Variants in PPP6R3 observed in about 807,000 individuals in gnomAD.
PPP6R3 encodes serine/threonine-protein phosphatase 6 regulatory subunit 3.
Under a neutral mutation model 110.7 loss-of-function variants are expected in PPP6R3, and 38 were observed. The ratio of observed to expected loss-of-function variants is 0.34; its 90% CI spans 0.26 to 0.45. The LOEUF (loss-of-function observed/expected upper bound fraction) is 0.45. Among genes scored for constraint, PPP6R3 ranks in the 20% least tolerant of loss-of-function variants. The pLI, the probability that PPP6R3 is intolerant of heterozygous loss-of-function variation, is 1.00. For synonymous variants in PPP6R3, 369 were observed against 373.5 expected, an observed-to-expected ratio of 0.99 and a Z score of 0.14; for missense variants, 870 against 1,062.4, an observed-to-expected ratio of 0.82 and a Z score of 2.52.
chr11:68,588,544 A>T (rs1343716575), intron 16 of PPP6R3, among the ~76,000 whole-genome samples: 1 of 151,580 alleles, frequency 6.6e-6, no homozygotes, highest in Non-Finnish European at 1.5e-5. Flanking sequence ...TGCAAGCTCC[A>T]CCTCCTGGGT....
At chr11:68,564,212 T>C in intron 8 of PPP6R3, 91 bp from the exon 9 acceptor site, 2 of 1,303,742 alleles carry the variant, frequency 1.5e-6, no homozygotes, top group Non-Finnish European at 1.0e-6. Context: ...GAAAAGTTGA[T>C]ATAATCATTA....
At chr11:68,586,905 A>G (rs1411125486) in intron 15 of PPP6R3, 1 of 151,986 alleles carries the variant, frequency 6.6e-6, no homozygotes, top group African/African-American at 2.4e-5. Context: ...CTTCCCAGCA[A>G]ATGCCAGTGG....
At chr11:68,578,446 A>G (rs1176490285) in intron 14 of PPP6R3, among the ~76,000 whole-genome samples, 1 of 152,144 alleles carries the variant, frequency 6.6e-6, no homozygotes, top group Non-Finnish European at 1.5e-5. Context: ...TCCCAAATAG[A>G]TAAGATTAGA....
At chr11:68,517,229 T>C in intron 1 of PPP6R3, among the ~76,000 whole-genome samples, 1 of 152,192 alleles carries the variant, frequency 6.6e-6, no homozygotes, top group East Asian at 1.9e-4. Flanking sequence ...ACTTGCATTT[T>C]TCTGTTTGTT....
At chr11:68,517,626 T>A (rs1184115401) in intron 1 of PPP6R3, among the ~76,000 whole-genome samples, 1 of 152,128 alleles carries the variant, frequency 6.6e-6, no homozygotes, top group Non-Finnish European at 1.5e-5. Context: ...TGGGACAATT[T>A]GAACATCAGA....
At chr11:68,607,082 A>G (rs1940527811) in intron 22 of PPP6R3, among the ~76,000 whole-genome samples, 1 of 152,248 alleles carries the variant, frequency 6.6e-6, no homozygotes, top group Admixed American at 6.5e-5. Flanking sequence ...TTAGTGCTGC[A>G]GAGACATCTG....
chr11:68,602,039 A>G (rs533517932), intron 21 of PPP6R3, 70 bp downstream of exon 21: 1 of 1,254,986 alleles, frequency 8.0e-7, no homozygotes, highest in African/African-American at 1.5e-5. Context: ...CCTGATTCTC[A>G]GGCTCAGGGG....
chr11:68,492,269 A>G (rs1299282363), intron 1 of PPP6R3, among the ~76,000 whole-genome samples: 2 of 152,078 alleles, frequency 1.3e-5, no homozygotes, highest in African/African-American at 4.8e-5. Flanking sequence ...GGATCTTCCC[A>G]CCTCAACCTC....
intron 1 of PPP6R3, among the ~76,000 whole-genome samples, chr11:68,494,125 T>G (rs1229477655): frequency 5.0e-4 from 1 of 2,004 alleles, no homozygotes. Flanking sequence ...AAAGAATAAA[T>G]AAAAAAGATA....
At chr11:68,610,544 C>T (rs1277502463) in intron 23 of PPP6R3, among the ~76,000 whole-genome samples, 1 of 152,122 alleles carries the variant, frequency 6.6e-6, no homozygotes, top group Non-Finnish European at 1.5e-5. Flanking sequence ...TATGAAATGC[C>T]CACTCCCAGA....
At chr11:68,542,389 G>GTTTCTTTTTTTT (rs2099321682) in intron 3 of PPP6R3, among the ~76,000 whole-genome samples, 1 of 40,188 alleles carries the variant, frequency 2.5e-5, no homozygotes. Context: ...AGAAGCTGCT[G>GTTTCTTTTTTTT]TTTTTTTTTT....
At chr11:68,469,647 G>A (rs1253456752) in intron 1 of PPP6R3, among the ~76,000 whole-genome samples, 1 of 151,834 alleles carries the variant, frequency 6.6e-6, no homozygotes, top group Non-Finnish European at 1.5e-5. Context: ...CCAAAGTGCT[G>A]AGATAACAGG....
intron 12 of PPP6R3, among the ~76,000 whole-genome samples, 154 bp from the exon 13 acceptor site, chr11:68,573,955 A>T (rs1484243811): frequency 6.6e-6 from 1 of 152,054 alleles, no homozygotes; most frequent in Non-Finnish European, 1.5e-5. Context: ...GGCACCTTCC[A>T]TTCCTTTGTT....
intron 1 of PPP6R3, among the ~76,000 whole-genome samples, chr11:68,509,448 T>C (rs1415173444): frequency 6.6e-6 from 1 of 150,816 alleles, no homozygotes; most frequent in African/African-American, 2.4e-5. Context: ...AAGCAGATTT[T>C]ATTTTTTTAT....
Position 68,614,818 on chromosome 11 carries a change from C to G in PPP6R3, c.*1701C>G. 7.0e-7 allele frequency: 1 copy of G among 1,426,574 alleles called. No individual in the cohort carries two copies. The highest frequency in any genetic ancestry group is 9.6e-7 in the Non-Finnish European group (1 of 1,038,574). 88.4% of individuals were successfully genotyped at this position (1,426,574 alleles called of 1,614,324 possible). The stretch of plus-strand genomic sequence containing the variant: ...AGCACCCCCAGAGGACAGGGCTCCT[C>G]CTGCTTGCCTCAGGGCTGCCTGACT... On this transcript the variant is annotated 3_prime_UTR_variant, in exon 24 of 24. Transcript: ENST00000393800.
intron 1 of PPP6R3, among the ~76,000 whole-genome samples, chr11:68,482,231 A>G (rs1175317073): frequency 2.6e-5 from 4 of 151,296 alleles, no homozygotes; most frequent in Non-Finnish European, 5.9e-5. Flanking sequence ...CCAAAAAAAA[A>G]AAAAAAAAAC....
intron 1 of PPP6R3, among the ~76,000 whole-genome samples, chr11:68,476,545 T>G (rs1395148301): frequency 6.6e-6 from 1 of 152,216 alleles, no homozygotes; most frequent in East Asian, 1.9e-4. Flanking sequence ...TTTATATACT[T>G]ATATGTACAT....
intron 23 of PPP6R3, 159 bp from the exon 24 acceptor site, chr11:68,612,907 T>C: frequency 7.2e-7 from 1 of 1,386,418 alleles, no homozygotes. Context: ...TTTCTAGAGC[T>C]TTTGCTCCAT....
intron 1 of PPP6R3, among the ~76,000 whole-genome samples, chr11:68,468,719 A>C (rs553859968): frequency 2.2e-4 from 33 of 152,296 alleles, no homozygotes; most frequent in African/African-American, 7.7e-4. Context: ...TCTTCCTCCA[A>C]ATTTGGAGTA....
Sources: allele counts gnomAD v4.1 joint callset (sites outside exome capture counted in the v4.1 genomes callset), GRCh38; gene constraint gnomAD v4.1.1; transcripts MANE v1.5; gene names NCBI Gene and HGNC (gene_info 2026-07-23, HGNC 2026-07-21).